Variants in DLG2 observed in about 807,000 individuals in gnomAD.
The protein encoded by DLG2 is discs large MAGUK scaffold protein 2.
Under a neutral mutation model 132.5 loss-of-function variants are expected in DLG2, and 45 were observed. The observed-to-expected ratio is 0.34, with a 90% CI of 0.27 to 0.44. The LOEUF (loss-of-function observed/expected upper bound fraction) is 0.44. Ranked by LOEUF, DLG2 falls within the 20% of genes least tolerant of loss-of-function variation. The pLI is 1.00. For synonymous variants in DLG2, 424 were observed against 419.6 expected, an observed-to-expected ratio of 1.01 and a Z score of -0.13; for missense variants, 1,045 against 1,196.9, an observed-to-expected ratio of 0.87 and a Z score of 1.87.
chr11:83,745,483 C>T (rs1206497118), intron 18 of DLG2, among the ~76,000 whole-genome samples: 1 of 152,022 alleles, frequency 6.6e-6, no homozygotes, highest in Non-Finnish European at 1.5e-5. Context: ...GCTCCTTCCC[C>T]TCAACAATTA....
In DLG2 at chr11:85,269,448, T is replaced by A. The variant is rs2077395191; in HGVS notation, c.186+15772A>T. 2.0e-5 allele frequency among the ~76,000 whole-genome samples: 3 copies of A among 152,194 alleles called. No individual in the cohort carries two copies. In the South Asian group the frequency reaches 6.2e-4, roughly 32 times the overall value. On this transcript the variant is annotated intron_variant, in intron 4 of 27. Transcript: ENST00000376104. ...CAAGATTTCTCAGACTTCTTAGGAT[T>A]CCATGACTCCCCAAGGGGCAGAAAA...
chr11:83,973,519 AT>A (rs1158969832), intron 12 of DLG2, among the ~76,000 whole-genome samples: 1 of 151,818 alleles, frequency 6.6e-6, no homozygotes, highest in Non-Finnish European at 1.5e-5. Flanking sequence ...ACTGTTCTAA[AT>A]TTTTTTTAGC....
chr11:84,937,806 G>T (rs886860337), intron 6 of DLG2, among the ~76,000 whole-genome samples: 1 of 152,158 alleles, frequency 6.6e-6, no homozygotes, highest in Non-Finnish European at 1.5e-5. Context: ...TAGAATACTA[G>T]AAAATCTATA....
chr11:84,117,980 G>A (rs755199121), intron 9 of DLG2, among the ~76,000 whole-genome samples: 5 of 151,936 alleles, frequency 3.3e-5, no homozygotes, highest in East Asian at 1.9e-4. Flanking sequence ...CTCAGCTTCC[G>A]GAGTAGCTGA....
chr11:84,946,602 T>G (rs2050229774), intron 6 of DLG2, among the ~76,000 whole-genome samples: 2 of 151,958 alleles, frequency 1.3e-5, no homozygotes, highest in South Asian at 2.1e-4. Context: ...GACAAAGTCC[T>G]CTTTACTCTC....
chr11:85,356,573 C>T (rs2083708029), intron 3 of DLG2, among the ~76,000 whole-genome samples: 1 of 152,142 alleles, frequency 6.6e-6, no homozygotes, highest in Admixed American at 6.6e-5. Flanking sequence ...TCACTTACAA[C>T]AAAGAATGAT....
At chr11:83,964,769 C>A (rs541866926) in intron 13 of DLG2, among the ~76,000 whole-genome samples, 1 of 152,128 alleles carries the variant, frequency 6.6e-6, no homozygotes, top group East Asian at 1.9e-4. Context: ...AGAAGTCCCA[C>A]TTCCAGCTCA....
intron 21 of DLG2, among the ~76,000 whole-genome samples, chr11:83,488,807 T>G (rs547587538): frequency 6.6e-6 from 1 of 152,004 alleles, no homozygotes; most frequent in Non-Finnish European, 1.5e-5. Flanking sequence ...CCTGGGAAAG[T>G]TGTTACTGTA....
intron 11 of DLG2, among the ~76,000 whole-genome samples, chr11:83,999,212 C>T (rs1340623037): frequency 6.6e-6 from 1 of 151,998 alleles, no homozygotes; most frequent in Non-Finnish European, 1.5e-5. Context: ...TGGCTTTGTC[C>T]CTTCTTCCAC....
At chr11:84,900,660 A>G (rs892695409) in intron 6 of DLG2, among the ~76,000 whole-genome samples, 12 of 152,078 alleles carry the variant, frequency 7.9e-5, no homozygotes, top group Non-Finnish European at 1.3e-4. Flanking sequence ...AAGAAACAAC[A>G]TTATGTTCAT....
At chr11:85,262,219 T>A (rs1261635206) in intron 4 of DLG2, among the ~76,000 whole-genome samples, 3 of 152,260 alleles carry the variant, frequency 2.0e-5, no homozygotes, top group Non-Finnish European at 2.9e-5. Flanking sequence ...TAAGTGGCCA[T>A]GTGGCAGGCC....
chr11:84,013,446 T>C (rs752217244), intron 11 of DLG2, among the ~76,000 whole-genome samples: 3 of 152,162 alleles, frequency 2.0e-5, no homozygotes, highest in Non-Finnish European at 4.4e-5. Context: ...GCTATATTTA[T>C]GAAATATGTT....
At chr11:84,898,359 G>A (rs889576735) in intron 6 of DLG2, among the ~76,000 whole-genome samples, 1 of 151,780 alleles carries the variant, frequency 6.6e-6, no homozygotes, top group Admixed American at 6.6e-5. Context: ...AATCCCCAAA[G>A]ACTTTTATAA....
At chr11:83,480,310 G>A in intron 22 of DLG2, 1 of 1,286,514 alleles carries the variant, frequency 7.8e-7, no homozygotes, top group Non-Finnish European at 1.1e-6. Flanking sequence ...AATCTGAAAT[G>A]ACCACCACAG....
intron 18 of DLG2, among the ~76,000 whole-genome samples, chr11:83,669,779 C>T (rs2076524642): frequency 6.6e-6 from 1 of 152,176 alleles, no homozygotes; most frequent in Non-Finnish European, 1.5e-5. Flanking sequence ...ATGTATTTCT[C>T]TGCACCCAGA....
intron 17 of DLG2, among the ~76,000 whole-genome samples, chr11:83,787,962 G>C (rs1009244965): frequency 3.3e-5 from 5 of 152,190 alleles, no homozygotes; most frequent in African/African-American, 1.2e-4. Flanking sequence ...AGGGAGACAA[G>C]ATAAGCCCTC....
At chr11:85,070,756 C>A (rs1408087283) in intron 6 of DLG2, among the ~76,000 whole-genome samples, 1 of 151,794 alleles carries the variant, frequency 6.6e-6, no homozygotes, top group Admixed American at 6.6e-5. Flanking sequence ...CCTCTCCCAC[C>A]TTTTTCACAG....
chr11:85,075,211 T>G (rs2066368499), intron 6 of DLG2, among the ~76,000 whole-genome samples: 1 of 151,938 alleles, frequency 6.6e-6, no homozygotes, highest in African/African-American at 2.4e-5. Flanking sequence ...ACACTGTTAG[T>G]GAAAATGTAA....
At chr11:84,223,981 T>C (rs2096953979) in intron 8 of DLG2, among the ~76,000 whole-genome samples, 1 of 152,216 alleles carries the variant, frequency 6.6e-6, no homozygotes, top group Non-Finnish European at 1.5e-5. Context: ...AGGCCTGCCT[T>C]TCCACTCAAG....
Sources: allele counts gnomAD v4.1 joint callset (sites outside exome capture counted in the v4.1 genomes callset), GRCh38; gene constraint gnomAD v4.1.1; transcripts MANE v1.5; gene names NCBI Gene and HGNC (gene_info 2026-07-23, HGNC 2026-07-21).